Variants in SMC1A observed in about 807,000 individuals in gnomAD.
SMC1A encodes structural maintenance of chromosomes protein 1A.
A neutral mutation model predicts 94.5 loss-of-function variants in SMC1A; 4 were observed. That is an observed-to-expected ratio of 0.04 (90% CI 0.02 to 0.10). SMC1A has a LOEUF of 0.10. Among genes scored for constraint, SMC1A ranks in the 10% least tolerant of loss-of-function variants. The probability of loss-of-function intolerance (pLI) is 1.00; values close to 1 mark genes in which losing one functional copy is unlikely to be tolerated. For missense variants in SMC1A, 304 were observed against 989.0 expected (o/e 0.31, Z 9.29); for synonymous variants, 345 against 347.7 (o/e 0.99, Z 0.09).
intron 9 of SMC1A, among the ~76,000 whole-genome samples, chrX:53,408,847 A>T (rs974415064): frequency 9.2e-6 from 1 of 108,833 alleles, no homozygotes; most frequent in African/African-American, 3.3e-5. Flanking sequence ...AAATAAAAAA[A>T]AAAAAAAAAA....
At chrX:53,396,731 T>C in intron 16 of SMC1A, 114 bp from the exon 17 acceptor site, 1 of 874,004 alleles carries the variant, frequency 1.1e-6, no homozygotes, top group Non-Finnish European at 1.6e-6. Flanking sequence ...CACTCGTCAA[T>C]GAGCTTTGCT....
At chrX:53,389,764 A>C (rs2075620004) in intron 19 of SMC1A, among the ~76,000 whole-genome samples, 1 of 109,862 alleles carries the variant, frequency 9.1e-6, no homozygotes, top group South Asian at 3.8e-4. Context: ...TAATGGTTCT[A>C]ATTATTTTTA....
At chrX:53,396,732 G>A in intron 16 of SMC1A, 115 bp from the exon 17 acceptor site, 2 of 873,763 alleles carry the variant, frequency 2.3e-6, no homozygotes, top group Non-Finnish European at 3.3e-6. Context: ...ACTCGTCAAT[G>A]AGCTTTGCTT....
At position 53,394,667 on chromosome X, in the gene SMC1A, T is replaced by C. The variant is rs2075643744; in HGVS notation, c.2973+111A>G. 7.6e-6 allele frequency: 4 copies of C among 525,351 alleles called. No homozygotes were observed. In the South Asian group the frequency reaches 1.1e-4, roughly 14 times the overall value. 43.3% of individuals were successfully genotyped at this position (525,351 alleles called of 1,213,427 possible). The stretch of plus-strand genomic sequence containing the variant: ...GCCAGCTTTCCCCTCTTTCCAGCCA[T>C]GGTCTTCACAGAGCCCCCAGATGGG... On this transcript the variant is annotated intron_variant, in intron 19 of 24. Transcript: ENST00000322213.
In SMC1A at chrX:53,406,743, G is replaced by A. The variant is rs1290328821; in HGVS notation, c.1546-787C>T. 4.5e-5 allele frequency among the ~76,000 whole-genome samples: 5 copies of A among 111,750 alleles called. No individual in the cohort carries two copies. In the South Asian group the frequency reaches 1.5e-3, roughly 33 times the overall value. ...GACGGAGTCTCACTCTGTTGCCCAC[G>A]CTGAAGTGCAGTGGCGCAATCTTGG... is the stretch of plus-strand genomic sequence containing the variant. On this transcript the variant is annotated intron_variant, in intron 9 of 24. Coordinates refer to ENST00000322213, the MANE Select transcript of SMC1A (RefSeq NM_006306.4).
intron 4 of SMC1A, 35 bp from the exon 5 acceptor site, chrX:53,413,173 C>A: frequency 8.3e-7 from 1 of 1,211,647 alleles, no homozygotes; most frequent in Admixed American, 2.2e-5. Flanking sequence ...AGGGGTGCAT[C>A]GATAAGGCAC....
chrX:53,410,830 AT>A (rs2075708540), intron 7 of SMC1A, among the ~76,000 whole-genome samples: 1 of 104,047 alleles, frequency 9.6e-6, no homozygotes, highest in Non-Finnish European at 2.0e-5. Flanking sequence ...AAATAAAAAA[AT>A]AAAAAGAATC....
At chrX:53,399,456 T>C (rs2075663474) in intron 16 of SMC1A, 133 bp downstream of exon 16, 1 of 599,322 alleles carries the variant, frequency 1.7e-6, no homozygotes, top group Admixed American at 2.9e-5. Flanking sequence ...TTTTCCCGTT[T>C]AGGTCTTGGT....
At position 53,386,212 on chromosome X, in the gene SMC1A, A is replaced by G. The variant is rs180678997; in HGVS notation, c.2974-2959T>C. Among the ~76,000 whole-genome samples the G allele has an allele frequency of 1.3e-4, 15 of 112,121 alleles. No homozygotes were observed. The East Asian group carries it at 4.2e-3, about 31-fold the overall frequency. ...TAATATTGTAAAAAAAAAAGAACAT[A>G]TCCATAATGTGGGACATTTTCCAAG... is the stretch of plus-strand genomic sequence containing the variant. On this transcript the variant is annotated intron_variant, in intron 19 of 24. Transcript: ENST00000322213.
intron 16 of SMC1A, among the ~76,000 whole-genome samples, chrX:53,397,454 G>A (rs1556888205): frequency 9.0e-6 from 1 of 111,172 alleles, no homozygotes; most frequent in African/African-American, 3.3e-5. Flanking sequence ...GGTGGCACAC[G>A]CCTGTGGTCC....
intron 1 of SMC1A, among the ~76,000 whole-genome samples, chrX:53,417,316 C>T (rs1179571236): frequency 9.2e-6 from 1 of 108,459 alleles, no homozygotes. Context: ...TTTGGGTGGC[C>T]GAGGCGGGCG....
At chrX:53,388,320 T>C (rs782062426) in intron 19 of SMC1A, among the ~76,000 whole-genome samples, 19 of 111,276 alleles carry the variant, frequency 1.7e-4, no homozygotes, top group African/African-American at 6.2e-4. Context: ...CTAGTGCAAC[T>C]GAGGAGATAA....
At chrX:53,410,362 G>A (rs1556890324) in intron 7 of SMC1A, among the ~76,000 whole-genome samples, 1 of 110,101 alleles carries the variant, frequency 9.1e-6, no homozygotes, top group Non-Finnish European at 1.9e-5. Flanking sequence ...AGGCCGAGGC[G>A]GGCGGATCAC....
chrX:53,397,701 G>A (rs1556888240), intron 16 of SMC1A, among the ~76,000 whole-genome samples: 1 of 112,144 alleles, frequency 8.9e-6, no homozygotes, highest in African/African-American at 3.2e-5. Flanking sequence ...GCAACATGTT[G>A]ATGACCGATG....
intron 19 of SMC1A, among the ~76,000 whole-genome samples, chrX:53,387,883 CA>C (rs1324641936): frequency 9.3e-6 from 1 of 107,657 alleles, no homozygotes; most frequent in East Asian, 2.9e-4. Context: ...ACTCAGTGGA[CA>C]AATCTTGAGA....
At chrX:53,408,332 AAATCAATC>A (rs782118621) in intron 9 of SMC1A, among the ~76,000 whole-genome samples, 1 of 111,233 alleles carries the variant, frequency 9.0e-6, no homozygotes, top group African/African-American at 3.3e-5. Context: ...CTCCATCTCA[AAATCAATC>A]AATCAATCAA....
At chrX:53,401,963 C>T (rs2075672068) in intron 15 of SMC1A, among the ~76,000 whole-genome samples, 1 of 108,743 alleles carries the variant, frequency 9.2e-6, no homozygotes, top group African/African-American at 3.4e-5. Context: ...TACTTAGCCA[C>T]ATTTCCATTG....
intron 19 of SMC1A, among the ~76,000 whole-genome samples, chrX:53,387,156 C>T (rs1458854568): frequency 9.0e-6 from 1 of 111,272 alleles, no homozygotes; most frequent in Non-Finnish European, 1.9e-5. Context: ...CCACCACGCC[C>T]GGCTAATTTT....
At position 53,380,122 on chromosome X, in the gene SMC1A, G is replaced by A. The variant is rs782063495; in HGVS notation, c.3683C>T (p.Pro1228Leu). 42 of 1,205,086 alleles carry A rather than the reference G, an allele frequency of 3.5e-5. No homozygotes were observed. Among genetic ancestry groups the A allele is most frequent in the Non-Finnish European group, 4.4e-5 (39 of 891,942 alleles). Reference protein sequence around the residue: ...FDLTKYPDANPNPNEQ With the variant: ...FDLTKYPDANLNPNEQ ...ATACTGCTACTGCTCATTGGGGTTG[G>A]GGTTGGCATCTGGGTACTTGGTGAG... The change falls in exon 25 of 25, where the codon CCC becomes CTC. Residue 1228 changes from proline to leucine, a missense_variant. Coordinates refer to ENST00000322213, the MANE Select transcript of SMC1A (RefSeq NM_006306.4).
Sources: gnomAD v4.1 joint callset for allele counts (sites outside exome capture counted in the v4.1 genomes callset) on GRCh38, gnomAD v4.1.1 for gene constraint, MANE v1.5 for transcripts, NCBI Gene and HGNC (gene_info 2026-07-23, HGNC 2026-07-21) for gene names.